Variants in DHX33 observed in about 807,000 individuals in gnomAD.
DHX33 encodes the protein ATP-dependent RNA helicase DHX33.
A neutral mutation model predicts 72.5 loss-of-function variants in DHX33; 42 were observed. That is an observed-to-expected ratio of 0.58 (90% CI 0.45 to 0.75). The LOEUF (loss-of-function observed/expected upper bound fraction) is 0.75, where lower values mean the gene tolerates loss of function less well. Among genes scored for constraint, DHX33 ranks in the 30% least tolerant of loss-of-function variants. The pLI is 0.00. For synonymous variants in DHX33, 358 were observed against 366.1 expected, an observed-to-expected ratio of 0.98 and a Z score of 0.25; for missense variants, 842 against 917.5, an observed-to-expected ratio of 0.92 and a Z score of 1.06.
intron 9 of DHX33, 34 bp from the exon 10 acceptor site, chr17:5,450,440 G>A: frequency 6.2e-7 from 1 of 1,603,420 alleles, no homozygotes; most frequent in Non-Finnish European, 8.5e-7. Context: ...TGTAAACCCA[G>A]CTTTCTCCTA....
chr17:5,445,079 CT>C (rs1281323079), intron 11 of DHX33, among the ~76,000 whole-genome samples: 1 of 151,242 alleles, frequency 6.6e-6, no homozygotes, highest in Non-Finnish European at 1.5e-5. Flanking sequence ...CTTTTTCTTT[CT>C]TTCTTTTTTT....
At chr17:5,458,552 A>T (rs751189802) in intron 4 of DHX33, among the ~76,000 whole-genome samples, 15 of 152,150 alleles carry the variant, frequency 9.9e-5, no homozygotes, top group Non-Finnish European at 1.8e-4. Flanking sequence ...GTTCACGACC[A>T]GCCTGGGCAA....
Position 5,441,854 on chromosome 17 carries a change from T to G in DHX33, c.*2351A>C, listed in dbSNP as rs2151679578. 6.6e-6 allele frequency: 1 copy of G among 152,308 alleles called. No homozygotes were observed. Among genetic ancestry groups the G allele is most frequent in the African/African-American group, 2.4e-5 (1 of 41,558 alleles). 9.4% of individuals were successfully genotyped at this position (152,308 alleles called of 1,614,324 possible). Reference sequence around the variant, plus strand: ...CATTTCCGGAAACTGTTCAGGTACTTAAGCTGGACATAAATTACCCCAAGT... The same window carrying G: ...CATTTCCGGAAACTGTTCAGGTACTGAAGCTGGACATAAATTACCCCAAGT... On this transcript the variant is annotated 3_prime_UTR_variant, in exon 12 of 12. Transcript: ENST00000225296.
intron 1 of DHX33, among the ~76,000 whole-genome samples, chr17:5,464,592 A>G (rs537524116): frequency 6.6e-6 from 1 of 152,316 alleles, no homozygotes; most frequent in African/African-American, 2.4e-5. Context: ...AAATAAGTAA[A>G]CATGTGTATA....
intron 11 of DHX33, among the ~76,000 whole-genome samples, chr17:5,446,530 GAAAAAGAAAA>G (rs763730856): frequency 4.6e-5 from 7 of 151,152 alleles, no homozygotes; most frequent in Non-Finnish European, 8.8e-5. Flanking sequence ...GGTCTGAGTT[GAAAAAGAAAA>G]AAAAAGAAAT....
In DHX33 at chr17:5,450,403, TG is replaced by T; in HGVS notation, c.1527del (p.Ile510SerfsTer14). On this transcript the variant is annotated frameshift_variant and splice_region_variant, in exon 10 of 12. Transcript: ENST00000225296. LOFTEE classifies it high-confidence loss of function. ...AFPLEPKFAK[T>X]ILMSPKFHCT... ...CAGTGGAATTTGGGGGACATGAGGATGGTCTGCAAAGCAAAATTTAAAATTG... is the reference window on the plus strand; with the variant it reads ...CAGTGGAATTTGGGGGACATGAGGATGTCTGCAAAGCAAAATTTAAAATTG... 1.5e-5 allele frequency: 24 copies of T among 1,613,692 alleles called. No homozygotes were observed. The highest frequency in any genetic ancestry group is 2.0e-5 in the Non-Finnish European group (24 of 1,179,636).
At position 5,463,546 on chromosome 17, in the gene DHX33, T is replaced by G; in HGVS notation, c.433A>C (p.Thr145Pro). 6.2e-7 allele frequency: 1 copy of G among 1,614,096 alleles called. No individual in the cohort carries two copies. The highest frequency in any genetic ancestry group is 1.7e-4 in the Middle Eastern group (1 of 6,060). Residue 145 changes from threonine (T) to proline (P), a missense_variant, in exon 2 of 12, where the codon ACT becomes CCT. Physicochemically the swap from Thr to Pro is conservative, Grantham distance 38 (BLOSUM62 -1). Transcript: ENST00000225296. Reference sequence around the variant, plus strand: ...CCAGGTACCAGCTTCCCAAGTTCAGTTCTCTTCTCATCTGAGACTCTAGTA... The same window carrying G: ...CCAGGTACCAGCTTCCCAAGTTCAGGTCTCTTCTCATCTGAGACTCTAGTA... ...LATRVSDEKR[T>P]ELGKLVGYTV...
At chr17:5,450,751 T>G in intron 9 of DHX33, 56 bp downstream of exon 9, 3 of 1,610,946 alleles carry the variant, frequency 1.9e-6, no homozygotes, top group Non-Finnish European at 2.5e-6. Context: ...TGGTACTACT[T>G]TGGGACGGTT....
At position 5,450,422 on chromosome 17, in the gene DHX33, T is replaced by A; in HGVS notation, c.1525-16A>T. 6.2e-7 allele frequency: 1 copy of A among 1,611,542 alleles called. No homozygotes were observed. Among genetic ancestry groups the A allele is most frequent in the Non-Finnish European group, 8.5e-7 (1 of 1,177,906 alleles). On this transcript the variant is annotated splice_polypyrimidine_tract_variant and intron_variant, in intron 9 of 11. Transcript: ENST00000225296. ...TGAGGATGGTCTGCAAAGCAAAATT[T>A]AAAATTGTGTAAACCCAGCTTTCTC...
chr17:5,444,365 G>A lies in DHX33; in HGVS notation c.1964C>T (p.Ser655Leu), dbSNP rs1047855226. 2.5e-6 allele frequency: 4 copies of A among 1,614,262 alleles called. No individual in the cohort carries two copies. Among genetic ancestry groups the A allele is most frequent in the African/African-American group, 2.7e-5 (2 of 75,068 alleles). ...DTHQPVAIHP[S>L]SVLFHCKPAC... ...CGGCTTGCAGTGGAAGAGGACAGAC[G>A]ACGGGTGGATGGCCACTGGCTGGTG... Residue 655 changes from serine (S) to leucine (L), a missense_variant, in exon 12 of 12, where the codon TCG becomes TTG. By Grantham distance (145) the Ser-to-Leu change is moderately radical. Transcript: ENST00000225296. The surrounding 1 kb of genome is among the most constrained non-coding windows in gnomAD (Gnocchi z 4.9).
Position 5,450,395 on chromosome 17 carries a change from C to T in DHX33, c.1536G>A (p.Met512Ile). 1 of 1,613,934 alleles carries T rather than the reference C, an allele frequency of 6.2e-7. No individual in the cohort carries two copies. Among genetic ancestry groups the T allele is most frequent in the Non-Finnish European group, 8.5e-7 (1 of 1,179,852 alleles). Residue 512 changes from methionine to isoleucine, a missense_variant, in exon 10 of 12, where the codon ATG (methionine) becomes ATA (isoleucine). Transcript: ENST00000225296. ...CCTCTGTACAGTGGAATTTGGGGGA[C>T]ATGAGGATGGTCTGCAAAGCAAAAT... is the stretch of plus-strand genomic sequence containing the variant. ...LEPKFAKTIL[M>I]SPKFHCTEEI... is the part of the protein sequence containing the mutation.
At chr17:5,458,642 T>C (rs531490691) in intron 4 of DHX33, among the ~76,000 whole-genome samples, 19 of 151,466 alleles carry the variant, frequency 1.3e-4, no homozygotes, top group African/African-American at 4.4e-4. Flanking sequence ...ATAAAGGGGG[T>C]TGGGGAGGGG....
intron 1 of DHX33, among the ~76,000 whole-genome samples, chr17:5,464,407 A>C (rs1904777849): frequency 6.6e-6 from 1 of 152,182 alleles, no homozygotes; most frequent in Non-Finnish European, 1.5e-5. Flanking sequence ...GTAAAAGATA[A>C]AATACCCTGT....
chr17:5,454,250 C>T (rs961553052), intron 6 of DHX33, among the ~76,000 whole-genome samples: 5 of 152,142 alleles, frequency 3.3e-5, no homozygotes, highest in Admixed American at 1.3e-4. Flanking sequence ...GAGTAGTTTC[C>T]GAGGTCTTGC....
In DHX33 at chr17:5,456,164, C is replaced by T. The variant is rs1171218254; in HGVS notation, c.868G>A (p.Asp290Asn). 1.2e-6 allele frequency: 2 copies of T among 1,613,870 alleles called. No homozygotes were observed. The highest frequency in any genetic ancestry group is 1.7e-6 in the Non-Finnish European group (2 of 1,179,908). Residue 290 changes from aspartate to asparagine, a missense_variant, in exon 5 of 12, where the codon GAC (aspartate) becomes AAC (asparagine). Physicochemically the swap from Asp to Asn is conservative, Grantham distance 23. Coordinates refer to ENST00000225296, the MANE Select transcript of DHX33 (RefSeq NM_020162.4). ...QIHQEAPSSQDILVFLTGQEE... is the reference protein window; with the variant it reads ...QIHQEAPSSQNILVFLTGQEE... ...TGCCCAGTGAGGAACACCAGGATGT[C>T]CTGTGAAGAAGGGGCTTCCTGTAAA... is the stretch of plus-strand genomic sequence containing the variant.
Position 5,443,955 on chromosome 17 carries a change from GTTAAA to G in DHX33, c.*245_*249del. On this transcript the variant is annotated 3_prime_UTR_variant, in exon 12 of 12. Transcript: ENST00000225296. ...CAGATGAGAAAACTGAGGCTCAGGTGTTAAATTAAGTCAAAGTCACCCAGTAAGAA... is the reference window on the plus strand; with the variant it reads ...CAGATGAGAAAACTGAGGCTCAGGTGTTAAGTCAAAGTCACCCAGTAAGAA... 3 of 453,630 alleles carry G rather than the reference GTTAAA, an allele frequency of 6.6e-6. No homozygotes were observed. The highest frequency in any genetic ancestry group is 1.2e-5 in the Non-Finnish European group (3 of 254,852). The allele number at this position is 453,630 out of a possible 1,614,324, so 28.1% of individuals were successfully genotyped here. A position where few individuals can be genotyped will look rare whatever the true frequency, so the allele number is the denominator to read the frequency against.
chr17:5,455,678 T>TGC (rs1438731093), intron 5 of DHX33, among the ~76,000 whole-genome samples: 1 of 152,210 alleles, frequency 6.6e-6, no homozygotes, highest in Non-Finnish European at 1.5e-5. Context: ...GCTAGCACAG[T>TGC]GCCTGGCACG....
intron 8 of DHX33, among the ~76,000 whole-genome samples, chr17:5,452,769 CAT>C (rs1343141321): frequency 6.6e-6 from 1 of 152,128 alleles, no homozygotes; most frequent in Admixed American, 6.6e-5. Flanking sequence ...TACATATACT[CAT>C]ATATGCATAC....
intron 1 of DHX33, 140 bp from the exon 2 acceptor site, chr17:5,463,829 T>C (rs901916698): frequency 9.5e-6 from 7 of 737,812 alleles, no homozygotes; most frequent in Non-Finnish European, 1.5e-5. Flanking sequence ...AAAATCAGCC[T>C]GGGCAACATA....
Sources: allele counts gnomAD v4.1 joint callset (sites outside exome capture counted in the v4.1 genomes callset), GRCh38; gene constraint gnomAD v4.1.1; non-coding constraint Gnocchi (gnomAD v3.1); transcripts MANE v1.5; gene names NCBI Gene and HGNC (gene_info 2026-07-23, HGNC 2026-07-21).